CDH8: variants seen among roughly 807,000 people sequenced by gnomAD.
CDH8 encodes cadherin 8.
A neutral mutation model predicts 68.1 loss-of-function variants in CDH8; 17 were observed. That is an observed-to-expected ratio of 0.25 (90% CI 0.17 to 0.37). The LOEUF is 0.37. CDH8 is among the 10% of genes least tolerant of loss of function. The pLI is 1.00. For synonymous variants in CDH8, 372 were observed against 365.1 expected (o/e 1.02, Z -0.21); for missense variants, 763 against 999.3 (o/e 0.76, Z 3.19).
intron 7 of CDH8, among the ~76,000 whole-genome samples, chr16:61,811,898 A>G (rs1039038497): frequency 2.6e-5 from 4 of 152,216 alleles, no homozygotes; most frequent in Non-Finnish European, 4.4e-5. Flanking sequence ...CTGGGGAAAA[A>G]GAAAATGGGG....
chr16:61,997,343 A>G (rs1965822124), intron 2 of CDH8, among the ~76,000 whole-genome samples: 1 of 152,150 alleles, frequency 6.6e-6, no homozygotes, highest in South Asian at 2.1e-4. Flanking sequence ...AAGAGATCCC[A>G]TATACTAGTT....
intron 10 of CDH8, among the ~76,000 whole-genome samples, chr16:61,689,708 C>CT (rs1555503026): frequency 6.6e-6 from 1 of 151,728 alleles, no homozygotes; most frequent in Admixed American, 6.6e-5. Context: ...ATTGCAGAAT[C>CT]TTTATTTTTC....
chr16:61,769,676 T>G (rs1960728421), intron 8 of CDH8, among the ~76,000 whole-genome samples: 1 of 151,960 alleles, frequency 6.6e-6, no homozygotes, highest in African/African-American at 2.4e-5. Context: ...TACCCACCTC[T>G]TTGACTTTTA....
chr16:61,919,697 C>T (rs1252943229), intron 2 of CDH8, among the ~76,000 whole-genome samples: 1 of 151,364 alleles, frequency 6.6e-6, no homozygotes. Context: ...GATTGGTGTA[C>T]CTGAAAGTGA....
chr16:61,855,968 G>T (rs1297924881), intron 4 of CDH8, among the ~76,000 whole-genome samples: 1 of 152,094 alleles, frequency 6.6e-6, no homozygotes, highest in African/African-American at 2.4e-5. Flanking sequence ...TGTTTTACAA[G>T]AGTTCTTTCC....
intron 2 of CDH8, among the ~76,000 whole-genome samples, chr16:62,014,930 A>G: frequency 6.6e-6 from 1 of 152,040 alleles, no homozygotes; most frequent in African/African-American, 2.4e-5. Flanking sequence ...AATAAGCAAT[A>G]TAAGGAATTG....
At chr16:61,654,850 C>T (rs915271467) in intron 11 of CDH8, among the ~76,000 whole-genome samples, 8 of 152,142 alleles carry the variant, frequency 5.3e-5, no homozygotes, top group East Asian at 1.9e-4. Flanking sequence ...GTATAAGATA[C>T]GACTCTCATG....
intron 2 of CDH8, among the ~76,000 whole-genome samples, chr16:61,981,594 GA>G (rs1223573648): frequency 6.6e-6 from 1 of 152,140 alleles, no homozygotes; most frequent in African/African-American, 2.4e-5. Context: ...GGTTACCAGG[GA>G]GGCAGAAAAG....
intron 2 of CDH8, among the ~76,000 whole-genome samples, chr16:62,007,905 G>T (rs1901710848): frequency 6.6e-6 from 1 of 151,634 alleles, no homozygotes; most frequent in Non-Finnish European, 1.5e-5. Context: ...CTTACTTTCT[G>T]TATGTTTTCT....
At chr16:61,749,600 T>G (rs1960107102) in intron 8 of CDH8, among the ~76,000 whole-genome samples, 1 of 152,044 alleles carries the variant, frequency 6.6e-6, no homozygotes. Context: ...TATCCTAAAG[T>G]CAAGATAATA....
intron 2 of CDH8, among the ~76,000 whole-genome samples, chr16:62,020,619 G>A (rs1902051261): frequency 6.6e-6 from 1 of 152,058 alleles, no homozygotes; most frequent in African/African-American, 2.4e-5. Context: ...ATAGTACAAT[G>A]CACAGTTAAG....
intron 2 of CDH8, among the ~76,000 whole-genome samples, chr16:61,963,257 C>T (rs564827407): frequency 6.6e-6 from 1 of 152,244 alleles, no homozygotes; most frequent in South Asian, 2.1e-4. Context: ...TCCTCCATGT[C>T]CCTTCCATGT....
intron 10 of CDH8, among the ~76,000 whole-genome samples, chr16:61,691,097 T>C (rs1964213795): frequency 6.6e-6 from 1 of 152,092 alleles, no homozygotes; most frequent in South Asian, 2.1e-4. Flanking sequence ...CCTAGATAAA[T>C]CATGCACCTT....
intron 2 of CDH8, among the ~76,000 whole-genome samples, chr16:61,941,111 C>T (rs1248546257): frequency 6.6e-6 from 1 of 152,164 alleles, no homozygotes; most frequent in African/African-American, 2.4e-5. Context: ...TGCTTTCCAA[C>T]AATTGTCACA....
chr16:61,929,457 G>A (rs940552931), intron 2 of CDH8, among the ~76,000 whole-genome samples: 10 of 152,112 alleles, frequency 6.6e-5, no homozygotes, highest in African/African-American at 1.4e-4. Context: ...TTGGCTGTTC[G>A]CCTACATGGA....
chr16:61,881,633 C>T (rs1963580411), intron 3 of CDH8, among the ~76,000 whole-genome samples: 6 of 152,142 alleles, frequency 3.9e-5, no homozygotes, highest in Admixed American at 3.9e-4. Context: ...TAGTGAATGC[C>T]TCAGAGCCAG....
intron 2 of CDH8, among the ~76,000 whole-genome samples, chr16:61,937,047 C>T (rs1597077067): frequency 6.6e-6 from 1 of 151,988 alleles, no homozygotes; most frequent in Admixed American, 6.6e-5. Flanking sequence ...TTTTTTAAAG[C>T]CTCCTGGGTG....
At chr16:61,917,491 G>T (rs867034747) in intron 2 of CDH8, among the ~76,000 whole-genome samples, 3 of 152,032 alleles carry the variant, frequency 2.0e-5, no homozygotes, top group Admixed American at 6.6e-5. Flanking sequence ...TGTTTTCTGG[G>T]GTCCCTTGGT....
chr16:61,904,501 G>A (rs1964031148), intron 2 of CDH8, among the ~76,000 whole-genome samples: 1 of 152,220 alleles, frequency 6.6e-6, no homozygotes, highest in South Asian at 2.1e-4. Context: ...GGCAGGAGGT[G>A]AGCAGCAGAT....
Sources: gnomAD v4.1 joint callset for allele counts (sites outside exome capture counted in the v4.1 genomes callset) on GRCh38, gnomAD v4.1.1 for gene constraint, MANE v1.5 for transcripts, NCBI Gene and HGNC (gene_info 2026-07-23, HGNC 2026-07-21) for gene names.